The following APP variants were observed in gnomAD, a reference collection of about 807,000 sequenced individuals.
APP encodes the protein amyloid beta precursor protein.
APP carries 31 observed loss-of-function variants against 101.4 expected under a neutral mutation model. The observed-to-expected ratio is 0.31, with a 90% CI of 0.23 to 0.41. The LOEUF (loss-of-function observed/expected upper bound fraction) is 0.41, where lower values mean the gene tolerates loss of function less well. APP is among the 10% of genes least tolerant of loss of function. APP has a pLI of 1.00. For missense variants in APP, 839 were observed against 1,003.7 expected (o/e 0.84, Z 2.22); for synonymous variants, 366 against 364.4 (o/e 1.00, Z -0.05).
At chr21:25,927,135 G>A (rs1423752460) in intron 13 of APP, among the ~76,000 whole-genome samples, 1 of 152,044 alleles carries the variant, frequency 6.6e-6, no homozygotes, top group African/African-American at 2.4e-5. Flanking sequence ...TAGAAGCCAG[G>A]ATAAAAGAGA....
At chr21:25,896,744 GTCT>G (rs972369895) in intron 16 of APP, among the ~76,000 whole-genome samples, 3 of 152,152 alleles carry the variant, frequency 2.0e-5, no homozygotes, top group African/African-American at 7.2e-5. Context: ...GGAAGCTGCT[GTCT>G]TCTTTGCACA....
chr21:26,095,210 C>T (rs1321568298), intron 2 of APP, among the ~76,000 whole-genome samples: 1 of 152,140 alleles, frequency 6.6e-6, no homozygotes, highest in Non-Finnish European at 1.5e-5. Context: ...AACTCCTGGC[C>T]TCAAGAGATC....
chr21:26,035,633 A>G lies in APP; in HGVS notation c.663-13591T>C, dbSNP rs77385253. Among the ~76,000 whole-genome samples, 27 of 152,308 alleles carry G rather than the reference A, an allele frequency of 1.8e-4. 1 individual carries two copies. The East Asian group carries it at 4.8e-3, about 27-fold the overall frequency. ...CACTTGGTTTTTAAGCGTATTGGTA[A>G]GCCACGAACACAACTTAAATTTGGG... is the stretch of plus-strand genomic sequence containing the variant. On this transcript the variant is annotated intron_variant, in intron 5 of 17. Coordinates refer to ENST00000346798, the MANE Select transcript of APP (RefSeq NM_000484.4).
At chr21:26,018,326 C>T (rs1180174970) in intron 6 of APP, among the ~76,000 whole-genome samples, 1 of 152,168 alleles carries the variant, frequency 6.6e-6, no homozygotes, top group East Asian at 1.9e-4. Flanking sequence ...GATTGTAAGC[C>T]TCCCTGCAGT....
At chr21:26,087,573 T>C (rs2061728136) in intron 3 of APP, among the ~76,000 whole-genome samples, 1 of 152,238 alleles carries the variant, frequency 6.6e-6, no homozygotes, top group South Asian at 2.1e-4. Flanking sequence ...TAATGGTTGA[T>C]GGCAAAGCCT....
At chr21:25,945,877 T>A (rs1397989862) in intron 13 of APP, 1 of 455,550 alleles carries the variant, frequency 2.2e-6, no homozygotes, top group East Asian at 7.0e-5. Context: ...AAATGTGGTC[T>A]TGCCATGTTT....
At chr21:26,080,232 TTAA>T (rs2061569926) in intron 3 of APP, among the ~76,000 whole-genome samples, 1 of 152,206 alleles carries the variant, frequency 6.6e-6, no homozygotes, top group African/African-American at 2.4e-5. Context: ...CTTGTAACAC[TTAA>T]TAATCTCAAA....
intron 11 of APP, among the ~76,000 whole-genome samples, chr21:25,957,989 T>TA (rs922772812): frequency 6.6e-4 from 100 of 151,734 alleles, no homozygotes; most frequent in Non-Finnish European, 9.7e-4. Flanking sequence ...GTCTTTTAAT[T>TA]AAAAAAAACA....
At chr21:26,105,298 T>C (rs1456155842) in intron 2 of APP, among the ~76,000 whole-genome samples, 1 of 152,152 alleles carries the variant, frequency 6.6e-6, no homozygotes, top group Non-Finnish European at 1.5e-5. Flanking sequence ...TGAGATGATC[T>C]GATGAAAAGA....
rs146499461 is a variant in APP, at chr21:26,096,562, G to A, written c.226-6490C>T. Among the ~76,000 whole-genome samples the A allele has an allele frequency of 1.6e-3, 244 of 152,326 alleles. 1 individual carries two copies. The highest frequency in any genetic ancestry group is 5.6e-3 in the African/African-American group (231 of 41,578). On this transcript the variant is annotated intron_variant, in intron 2 of 17. Coordinates refer to ENST00000346798, the MANE Select transcript of APP (RefSeq NM_000484.4). ...CTTTCACGAACACACAAAGGCTGTCGTTAGATAAGGAAGAAACTTGACTGG... is the reference window on the plus strand; with the variant it reads ...CTTTCACGAACACACAAAGGCTGTCATTAGATAAGGAAGAAACTTGACTGG...
At chr21:25,934,931 AC>A in intron 13 of APP, 1 of 152,212 alleles carries the variant, frequency 6.6e-6, no homozygotes, top group Admixed American at 6.5e-5. Context: ...TTTCTTGACC[AC>A]CAATGGCTGC....
At chr21:26,135,985 A>T (rs1289653969) in intron 1 of APP, among the ~76,000 whole-genome samples, 1 of 151,626 alleles carries the variant, frequency 6.6e-6, no homozygotes, top group Admixed American at 6.6e-5. Context: ...TACAAAAATT[A>T]GCCAGGCATC....
intron 2 of APP, among the ~76,000 whole-genome samples, chr21:26,107,567 A>C (rs1466926653): frequency 6.6e-6 from 1 of 151,992 alleles, no homozygotes; most frequent in South Asian, 2.1e-4. Flanking sequence ...TTCCTATCCT[A>C]TCTCTCTGGC....
At chr21:25,909,954 C>T (rs1320125345) in intron 14 of APP, among the ~76,000 whole-genome samples, 1 of 151,886 alleles carries the variant, frequency 6.6e-6, no homozygotes, top group African/African-American at 2.4e-5. Context: ...TGTAAGGTGC[C>T]CTTTTTCAAA....
At chr21:25,910,289 G>A (rs113594245) in intron 14 of APP, among the ~76,000 whole-genome samples, 7 of 152,062 alleles carry the variant, frequency 4.6e-5, no homozygotes, top group African/African-American at 9.6e-5. Context: ...CACCACGCCC[G>A]GCTAACTTTT....
At chr21:26,056,129 C>T (rs776520167) in intron 3 of APP, among the ~76,000 whole-genome samples, 9 of 152,178 alleles carry the variant, frequency 5.9e-5, no homozygotes, top group Non-Finnish European at 1.3e-4. Flanking sequence ...CTTCGACCTC[C>T]GGGGGTCATG....
chr21:26,117,861 TTGCCA>T (rs2062471588), intron 1 of APP, among the ~76,000 whole-genome samples: 1 of 152,208 alleles, frequency 6.6e-6, no homozygotes, highest in East Asian at 1.9e-4. Context: ...AAAAAATGAT[TTGCCA>T]TGAAAGCGAA....
chr21:25,913,288 GA>G (rs906369366), intron 13 of APP, among the ~76,000 whole-genome samples: 3 of 152,172 alleles, frequency 2.0e-5, no homozygotes, highest in Non-Finnish European at 4.4e-5. Context: ...TTAAATGATG[GA>G]AGTCCCAAGC....
Position 25,954,630 on chromosome 21 carries a change from G to A in APP, c.1647C>T (p.Tyr549=), listed in dbSNP as rs1033116485. ...ERMNQSLSLL[Y]NVPAVAEEIQ... The stretch of plus-strand genomic sequence containing the variant: ...TCTCCTCGGCCACTGCAGGCACGTT[G>A]TAGAGCAGGGAGAGAGACTGATTCA... Residue 549 remains tyrosine, a synonymous_variant, in exon 13 of 18, where the codon TAC becomes TAT. Coordinates refer to ENST00000346798, the MANE Select transcript of APP (RefSeq NM_000484.4). 7 of 1,614,170 alleles carry A rather than the reference G, an allele frequency of 4.3e-6. No individual in the cohort carries two copies. Among genetic ancestry groups the A allele is most frequent in the Non-Finnish European group, 5.9e-6 (7 of 1,180,012 alleles).
Sources: gnomAD v4.1 joint callset for allele counts (sites outside exome capture counted in the v4.1 genomes callset) on GRCh38, gnomAD v4.1.1 for gene constraint, MANE v1.5 for transcripts, NCBI Gene and HGNC (gene_info 2026-07-23, HGNC 2026-07-21) for gene names.